NELL2: variants seen among roughly 807,000 people sequenced by gnomAD.
The protein encoded by NELL2 is neural EGFL like 2.
NELL2 carries 41 observed loss-of-function variants against 109.6 expected under a neutral mutation model. The observed-to-expected ratio is 0.37, with a 90% CI of 0.29 to 0.49. The LOEUF (loss-of-function observed/expected upper bound fraction) is 0.49. Ranked by LOEUF, NELL2 falls within the 20% of genes least tolerant of loss-of-function variation. The probability of loss-of-function intolerance (pLI) is 0.98; values close to 1 mark genes in which losing one functional copy is unlikely to be tolerated. For synonymous variants in NELL2, 355 were observed against 344.7 expected (o/e 1.03, Z -0.33); for missense variants, 900 against 1,008.3 (o/e 0.89, Z 1.45).
At chr12:44,905,488 C>G (rs1482231887) in intron 1 of NELL2, among the ~76,000 whole-genome samples, 3 of 151,954 alleles carry the variant, frequency 2.0e-5, no homozygotes, top group Non-Finnish European at 4.4e-5. Flanking sequence ...TGTGTTCTTT[C>G]ATTAGTAAAG....
intron 9 of NELL2, among the ~76,000 whole-genome samples, chr12:44,773,492 A>T (rs1023863055): frequency 1.3e-5 from 2 of 152,098 alleles, no homozygotes; most frequent in East Asian, 1.9e-4. Flanking sequence ...AAAAAAAAAG[A>T]AGTTAAGGCA....
At chr12:44,767,137 A>T (rs1941367159) in intron 9 of NELL2, among the ~76,000 whole-genome samples, 1 of 152,174 alleles carries the variant, frequency 6.6e-6, no homozygotes, top group African/African-American at 2.4e-5. Flanking sequence ...ATACATTCTT[A>T]TGCCATCTGT....
At chr12:44,814,474 C>T (rs187284766) in intron 3 of NELL2, among the ~76,000 whole-genome samples, 1 of 152,146 alleles carries the variant, frequency 6.6e-6, no homozygotes, top group Admixed American at 6.5e-5. Context: ...AAACAAGGAG[C>T]TCACTGGATC....
In NELL2 at chr12:44,769,395, G is replaced by A. The variant is rs533497482; in HGVS notation, c.994+5352C>T. Among the ~76,000 whole-genome samples, 15 of 152,076 alleles carry A rather than the reference G, an allele frequency of 9.9e-5. No homozygotes were observed. The East Asian group carries it at 1.2e-3, about 12-fold the overall frequency. On this transcript the variant is annotated intron_variant, in intron 9 of 19. Transcript: ENST00000429094. ...ACCTGGGAAATAACAAAATTAGGCCGCGGTACAATATCATTTACCAACATC... is the reference window on the plus strand; with the variant it reads ...ACCTGGGAAATAACAAAATTAGGCCACGGTACAATATCATTTACCAACATC...
intron 16 of NELL2, among the ~76,000 whole-genome samples, chr12:44,530,422 A>G (rs1941993809): frequency 6.6e-6 from 1 of 152,174 alleles, no homozygotes; most frequent in African/African-American, 2.4e-5. Context: ...TAACTAAAGA[A>G]ATGAAGTAGG....
chr12:44,718,338 T>C (rs939727176), intron 9 of NELL2, among the ~76,000 whole-genome samples: 2 of 152,220 alleles, frequency 1.3e-5, no homozygotes, highest in African/African-American at 4.8e-5. Flanking sequence ...AACTGAAAAG[T>C]ATCTGCCTTC....
intron 13 of NELL2, among the ~76,000 whole-genome samples, chr12:44,628,752 C>T (rs961250256): frequency 2.0e-5 from 3 of 152,230 alleles, no homozygotes; most frequent in Non-Finnish European, 4.4e-5. Flanking sequence ...TCGCCCCACC[C>T]GCCAGATGGT....
intron 15 of NELL2, among the ~76,000 whole-genome samples, chr12:44,558,579 A>C (rs931555188): frequency 3.3e-5 from 5 of 152,074 alleles, no homozygotes; most frequent in Non-Finnish European, 7.4e-5. Context: ...GGGGTCAGGG[A>C]ACTCCCTCCC....
intron 13 of NELL2, among the ~76,000 whole-genome samples, chr12:44,650,379 C>T (rs1220293502): frequency 1.3e-5 from 2 of 151,870 alleles, no homozygotes; most frequent in East Asian, 1.9e-4. Context: ...CTGCAACCTC[C>T]GCCTCCCAGA....
intron 13 of NELL2, among the ~76,000 whole-genome samples, chr12:44,631,618 C>T (rs962383946): frequency 2.0e-5 from 3 of 152,002 alleles, no homozygotes; most frequent in African/African-American, 7.3e-5. Flanking sequence ...AATCACACCC[C>T]AAACCTCAGC....
intron 15 of NELL2, among the ~76,000 whole-genome samples, chr12:44,548,384 GA>G (rs200830420): frequency 2.7e-5 from 4 of 149,786 alleles, no homozygotes; most frequent in East Asian, 2.0e-4. Context: ...CTCTACAAAA[GA>G]AAAAAAAACA....
chr12:44,692,289 G>T (rs1362696285), intron 12 of NELL2, among the ~76,000 whole-genome samples: 1 of 152,154 alleles, frequency 6.6e-6, no homozygotes, highest in Non-Finnish European at 1.5e-5. Flanking sequence ...CTAGATGACA[G>T]CCGCACATCT....
chr12:44,651,234 A>G (rs10880660), intron 13 of NELL2, among the ~76,000 whole-genome samples: 78,908 of 152,066 alleles, frequency 0.52, 21,525 homozygotes, highest in East Asian at 0.73. Flanking sequence ...TGCCAAAAAG[A>G]TTGGGGATCA....
chr12:44,634,642 T>A (rs576627529), intron 13 of NELL2, among the ~76,000 whole-genome samples: 3 of 152,206 alleles, frequency 2.0e-5, no homozygotes, highest in Non-Finnish European at 2.9e-5. Flanking sequence ...TGCGTGTGTA[T>A]GTGTCTTTAT....
At chr12:44,849,257 C>G (rs1250955485) in intron 2 of NELL2, among the ~76,000 whole-genome samples, 2 of 152,060 alleles carry the variant, frequency 1.3e-5, no homozygotes, top group Non-Finnish European at 2.9e-5. Flanking sequence ...AGACAAGCCA[C>G]AAACTGGGAG....
intron 2 of NELL2, among the ~76,000 whole-genome samples, chr12:44,856,109 C>A (rs1944676418): frequency 6.6e-6 from 1 of 152,234 alleles, no homozygotes; most frequent in Non-Finnish European, 1.5e-5. Context: ...CCATGGTAGG[C>A]CAGGAGGCTA....
chr12:44,799,536 T>A (rs953850373), intron 3 of NELL2, among the ~76,000 whole-genome samples: 3 of 152,196 alleles, frequency 2.0e-5, no homozygotes, highest in African/African-American at 2.4e-5. Context: ...ACTCTTTCCT[T>A]CTTTCCAAAA....
At chr12:44,719,377 G>A (rs1342105766) in intron 9 of NELL2, among the ~76,000 whole-genome samples, 1 of 152,074 alleles carries the variant, frequency 6.6e-6, no homozygotes. Context: ...GCAAACCCTT[G>A]TAGAAAGAAT....
upstream of NELL2, among the ~76,000 whole-genome samples, chr12:44,916,065 A>G (rs141031568): frequency 0.01 from 1,540 of 152,346 alleles, 19 homozygotes; most frequent in Middle Eastern, 0.044. Flanking sequence ...TAAAATCTGC[A>G]TTATATATTT....
Sources: gnomAD v4.1 joint callset for allele counts (sites outside exome capture counted in the v4.1 genomes callset) on GRCh38, gnomAD v4.1.1 for gene constraint, MANE v1.5 for transcripts, NCBI Gene and HGNC (gene_info 2026-07-23, HGNC 2026-07-21) for gene names.